The following NUMB variants were observed in gnomAD, a reference collection of about 807,000 sequenced individuals.
The protein encoded by NUMB is NUMB endocytic adaptor protein.
A neutral mutation model predicts 59.7 loss-of-function variants in NUMB; 29 were observed. The observed-to-expected ratio is 0.49, with a 90% confidence interval of 0.36 to 0.66. The LOEUF is 0.66. NUMB is among the 30% of genes least tolerant of loss of function. The probability of loss-of-function intolerance (pLI) is 0.00; values close to 1 mark genes in which losing one functional copy is unlikely to be tolerated. For missense variants in NUMB, 723 were observed against 822.0 expected, an observed-to-expected ratio of 0.88 and a Z score of 1.47; for synonymous variants, 288 against 288.2, an observed-to-expected ratio of 1.00 and a Z score of 0.01.
At chr14:73,390,732 C>T (rs1895809976) in intron 2 of NUMB, among the ~76,000 whole-genome samples, 3 of 145,180 alleles carry the variant, frequency 2.1e-5, no homozygotes, top group Non-Finnish European at 4.5e-5. Flanking sequence ...TCACTTCAAC[C>T]TCCACCTCCC....
intron 11 of NUMB, among the ~76,000 whole-genome samples, chr14:73,281,168 C>T (rs1022153036): frequency 5.9e-5 from 9 of 151,804 alleles, no homozygotes; most frequent in African/African-American, 2.2e-4. Context: ...CAGAATGTAA[C>T]GGGTACTATA....
intron 3 of NUMB, among the ~76,000 whole-genome samples, chr14:73,365,549 C>A (rs1316125166): frequency 6.6e-6 from 1 of 151,990 alleles, no homozygotes; most frequent in East Asian, 1.9e-4. Context: ...GGTGGAAGGA[C>A]TGCTCGAGCC....
intron 3 of NUMB, among the ~76,000 whole-genome samples, chr14:73,359,558 G>T (rs771553855): frequency 1.3e-5 from 2 of 152,198 alleles, no homozygotes; most frequent in African/African-American, 2.4e-5. Context: ...AAAAAGGGCA[G>T]AATTGCTGAG....
intron 1 of NUMB, among the ~76,000 whole-genome samples, chr14:73,447,699 T>C (rs1883625752): frequency 1.4e-5 from 2 of 145,842 alleles, no homozygotes; most frequent in Non-Finnish European, 3.0e-5. Flanking sequence ...AAAGAAAAAA[T>C]AAAGAACAAC....
chr14:73,346,402 C>T (rs1892922703), intron 4 of NUMB, among the ~76,000 whole-genome samples: 1 of 151,730 alleles, frequency 6.6e-6, no homozygotes, highest in African/African-American at 2.4e-5. Context: ...ATTGCTTGAA[C>T]CCAGGAAGCA....
chr14:73,355,865 T>G, intron 3 of NUMB, 99 bp from the exon 4 acceptor site: 1 of 884,130 alleles, frequency 1.1e-6, no homozygotes, highest in Middle Eastern at 3.5e-4. Flanking sequence ...TGTCCAAAAT[T>G]AAAGGTTTTG....
At chr14:73,408,862 A>T (rs1187736928) in intron 2 of NUMB, among the ~76,000 whole-genome samples, 1 of 149,032 alleles carries the variant, frequency 6.7e-6, no homozygotes, top group Non-Finnish European at 1.5e-5. Flanking sequence ...GGGCAACAAG[A>T]GCAAAACTCC....
intron 4 of NUMB, among the ~76,000 whole-genome samples, chr14:73,333,200 G>T (rs1193903195): frequency 6.6e-6 from 1 of 152,108 alleles, no homozygotes; most frequent in East Asian, 1.9e-4. Flanking sequence ...ATTCCCACCA[G>T]CAATGTATGA....
chr14:73,400,314 T>C (rs1896351232), intron 2 of NUMB, among the ~76,000 whole-genome samples: 1 of 152,130 alleles, frequency 6.6e-6, no homozygotes, highest in Admixed American at 6.5e-5. Context: ...ATCTTTGGGG[T>C]AGTAAACCTA....
chr14:73,374,988 G>A (rs547273987), intron 2 of NUMB, among the ~76,000 whole-genome samples: 14 of 152,150 alleles, frequency 9.2e-5, no homozygotes, highest in African/African-American at 1.9e-4. Flanking sequence ...CCCAAAGTGC[G>A]TGAGCCACTG....
chr14:73,352,887 C>T (rs1338959302), intron 4 of NUMB, among the ~76,000 whole-genome samples: 1 of 150,688 alleles, frequency 6.6e-6, no homozygotes, highest in Non-Finnish European at 1.5e-5. Flanking sequence ...AAGTCTGTTT[C>T]CCTCACAAGA....
chr14:73,384,731 CTTTTTTGT>C (rs966239236), intron 2 of NUMB, among the ~76,000 whole-genome samples: 5 of 64,112 alleles, frequency 7.8e-5, no homozygotes, highest in African/African-American at 4.7e-4. Context: ...CCACGCCTGG[CTTTTTTGT>C]TTGTTTGTTT....
intron 8 of NUMB, among the ~76,000 whole-genome samples, chr14:73,289,335 G>T (rs1889234724): frequency 6.6e-6 from 1 of 152,186 alleles, no homozygotes; most frequent in Admixed American, 6.5e-5. Context: ...AGATACACTG[G>T]ATTACCCAGA....
intron 1 of NUMB, among the ~76,000 whole-genome samples, chr14:73,419,922 G>C (rs1368093491): frequency 6.6e-6 from 1 of 152,194 alleles, no homozygotes. Flanking sequence ...ATGGAGTGCA[G>C]TAGTGCCATC....
chr14:73,441,457 A>C (rs1457043492), intron 1 of NUMB, among the ~76,000 whole-genome samples: 1 of 152,114 alleles, frequency 6.6e-6, no homozygotes, highest in Admixed American at 6.6e-5. Flanking sequence ...GAATAGCTTG[A>C]ACCCAGGAGG....
At chr14:73,396,249 G>T (rs1330588296) in intron 2 of NUMB, among the ~76,000 whole-genome samples, 1 of 151,734 alleles carries the variant, frequency 6.6e-6, no homozygotes, top group East Asian at 1.9e-4. Context: ...TACCTAGCCA[G>T]CCTGCCCCTC....
intron 2 of NUMB, among the ~76,000 whole-genome samples, chr14:73,396,941 G>A (rs530380504): frequency 5.9e-5 from 9 of 152,164 alleles, no homozygotes; most frequent in East Asian, 5.8e-4. Context: ...TGGCCAACAC[G>A]GTGAAACCCT....
chr14:73,384,687 C>T (rs2140084393), intron 2 of NUMB, among the ~76,000 whole-genome samples: 1 of 152,242 alleles, frequency 6.6e-6, no homozygotes, highest in Admixed American at 6.5e-5. Context: ...CCCACCTCAG[C>T]CTTCCAAGTA....
At chr14:73,330,065 A>C (rs1891878120) in intron 4 of NUMB, among the ~76,000 whole-genome samples, 1 of 152,136 alleles carries the variant, frequency 6.6e-6, no homozygotes, top group African/African-American at 2.4e-5. Flanking sequence ...TTGAGACAGG[A>C]TCTTGCTTTG....
Sources: allele counts gnomAD v4.1 joint callset (sites outside exome capture counted in the v4.1 genomes callset), GRCh38; gene constraint gnomAD v4.1.1; transcripts MANE v1.5; gene names NCBI Gene and HGNC (gene_info 2026-07-23, HGNC 2026-07-21).